Variants in MLLT3 observed in about 807,000 individuals in gnomAD.
MLLT3 encodes the protein MLLT3 super elongation complex subunit, also known as protein AF-9.
A neutral mutation model predicts 53.2 loss-of-function variants in MLLT3; 4 were observed. The ratio of observed to expected loss-of-function variants is 0.08; its 90% confidence interval spans 0.04 to 0.17. The LOEUF is 0.17. MLLT3 is among the 10% of genes least tolerant of loss of function. MLLT3 has a pLI of 1.00. For synonymous variants in MLLT3, 283 were observed against 230.6 expected (o/e 1.23, Z -2.06); for missense variants, 569 against 684.0 (o/e 0.83, Z 1.87).
Position 20,610,752 on chromosome 9 carries a change from A to AC in MLLT3, c.193+9901_193+9902insG, listed in dbSNP as rs1348231032. Among the ~76,000 whole-genome samples, 3 of 152,258 alleles carry AC rather than the reference A, an allele frequency of 2.0e-5. No individual in the cohort carries two copies. In the East Asian group the frequency reaches 5.8e-4, roughly 29 times the overall value. Reference sequence around the variant, plus strand: ...AGAGAAGGGAGTGTTGGTCTAATGAAAGCATGTAACACATAACACGTGCTG... The same window carrying AC: ...AGAGAAGGGAGTGTTGGTCTAATGAACAGCATGTAACACATAACACGTGCTG... On this transcript the variant is annotated intron_variant, in intron 2 of 10. Coordinates refer to ENST00000380338, the MANE Select transcript of MLLT3 (RefSeq NM_004529.4).
At chr9:20,423,872 A>C (rs1406168381) in intron 4 of MLLT3, among the ~76,000 whole-genome samples, 2 of 152,062 alleles carry the variant, frequency 1.3e-5, no homozygotes, top group Non-Finnish European at 2.9e-5. Context: ...GTGAGGCAGG[A>C]GGATCACTTG....
chr9:20,393,319 G>C (rs1341877501), intron 5 of MLLT3, among the ~76,000 whole-genome samples: 8 of 152,070 alleles, frequency 5.3e-5, no homozygotes, highest in African/African-American at 1.4e-4. Context: ...TTCAATTCCA[G>C]AGTTTACTGG....
chr9:20,399,449 G>T (rs1822401160), intron 5 of MLLT3, among the ~76,000 whole-genome samples: 3 of 152,080 alleles, frequency 2.0e-5, no homozygotes, highest in Admixed American at 2.0e-4. Context: ...ATAGTCCACT[G>T]GTCAGGAGAA....
At chr9:20,383,814 C>T (rs190517867) in intron 5 of MLLT3, among the ~76,000 whole-genome samples, 6 of 152,028 alleles carry the variant, frequency 3.9e-5, no homozygotes, top group Admixed American at 6.6e-5. Context: ...CTGGAGAAGG[C>T]AGCTGATAAA....
At chr9:20,491,383 C>T (rs1015619149) in intron 2 of MLLT3, among the ~76,000 whole-genome samples, 4 of 151,974 alleles carry the variant, frequency 2.6e-5, no homozygotes, top group African/African-American at 9.7e-5. Context: ...TACAGTACCA[C>T]ACTATTTAGA....
intron 2 of MLLT3, among the ~76,000 whole-genome samples, chr9:20,572,158 G>A (rs1009479676): frequency 6.6e-6 from 1 of 152,108 alleles, no homozygotes; most frequent in Non-Finnish European, 1.5e-5. Context: ...AATCTAAAAA[G>A]TCAAACTCAC....
intron 2 of MLLT3, among the ~76,000 whole-genome samples, chr9:20,603,091 C>T (rs1820473362): frequency 6.6e-6 from 1 of 152,070 alleles, no homozygotes; most frequent in Non-Finnish European, 1.5e-5. Context: ...ATTTCTCCTT[C>T]TCACTTTCTC....
intron 5 of MLLT3, among the ~76,000 whole-genome samples, chr9:20,393,731 G>A (rs1029311700): frequency 6.6e-6 from 1 of 152,028 alleles, no homozygotes; most frequent in Non-Finnish European, 1.5e-5. Flanking sequence ...AGTCATTATT[G>A]GATTTTTTCA....
intron 5 of MLLT3, among the ~76,000 whole-genome samples, chr9:20,385,477 G>T (rs1191359447): frequency 2.0e-5 from 3 of 151,948 alleles, no homozygotes; most frequent in African/African-American, 4.8e-5. Context: ...AAACAATTCT[G>T]TACCTTTCAA....
intron 2 of MLLT3, among the ~76,000 whole-genome samples, chr9:20,599,502 C>T (rs1820362622): frequency 6.6e-6 from 1 of 151,644 alleles, no homozygotes; most frequent in Non-Finnish European, 1.5e-5. Context: ...CATGTTTCTC[C>T]CCATTGTCCA....
At chr9:20,459,244 G>A (rs555288985) in intron 2 of MLLT3, among the ~76,000 whole-genome samples, 2 of 152,254 alleles carry the variant, frequency 1.3e-5, no homozygotes, top group African/African-American at 2.4e-5. Context: ...ACTGACATCC[G>A]AAGAAGTAAA....
chr9:20,571,330 G>C (rs982736123), intron 2 of MLLT3, among the ~76,000 whole-genome samples: 2 of 152,144 alleles, frequency 1.3e-5, no homozygotes, highest in African/African-American at 4.8e-5. Context: ...ACACAGTGAA[G>C]TGATGACCTA....
chr9:20,474,004 T>C (rs550312783), intron 2 of MLLT3, among the ~76,000 whole-genome samples: 4 of 152,096 alleles, frequency 2.6e-5, no homozygotes, highest in East Asian at 1.9e-4. Context: ...TGGAATAAAG[T>C]TGATTCCCTT....
At chr9:20,446,527 G>A (rs570447603) in intron 4 of MLLT3, among the ~76,000 whole-genome samples, 61 of 152,198 alleles carry the variant, frequency 4.0e-4, no homozygotes, top group African/African-American at 1.4e-3. Context: ...TCATATTTAC[G>A]TTTTCCTACG....
intron 5 of MLLT3, among the ~76,000 whole-genome samples, chr9:20,367,040 C>G (rs1371814897): frequency 6.6e-6 from 1 of 152,170 alleles, no homozygotes; most frequent in African/African-American, 2.4e-5. Context: ...CAAATGGAGG[C>G]CAATATTCAT....
chr9:20,588,780 A>C (rs913867469), intron 2 of MLLT3, among the ~76,000 whole-genome samples: 1 of 152,198 alleles, frequency 6.6e-6, no homozygotes, highest in Non-Finnish European at 1.5e-5. Flanking sequence ...CAATCATGTC[A>C]TCTGCAAACA....
chr9:20,499,710 G>C (rs1044374057), intron 2 of MLLT3, among the ~76,000 whole-genome samples: 1 of 152,172 alleles, frequency 6.6e-6, no homozygotes, highest in African/African-American at 2.4e-5. Context: ...ACAACTGTTA[G>C]GTAAAGGTAC....
intron 3 of MLLT3, among the ~76,000 whole-genome samples, chr9:20,455,695 A>G (rs2118859647): frequency 6.6e-6 from 1 of 152,288 alleles, no homozygotes. Flanking sequence ...ATATCTCTGG[A>G]GGAAAAATAA....
intron 3 of MLLT3, among the ~76,000 whole-genome samples, chr9:20,453,458 G>C (rs1350534506): frequency 6.6e-6 from 1 of 152,130 alleles, no homozygotes; most frequent in East Asian, 1.9e-4. Context: ...AGCTACTTGG[G>C]AAGCTGAGGT....
Sources: gnomAD v4.1 joint callset for allele counts (sites outside exome capture counted in the v4.1 genomes callset) on GRCh38, gnomAD v4.1.1 for gene constraint, MANE v1.5 for transcripts, NCBI Gene and HGNC (gene_info 2026-07-23, HGNC 2026-07-21) for gene names.